TRMT11: variants seen among roughly 807,000 people sequenced by gnomAD.
TRMT11 encodes the protein tRNA (guanine(10)-N(2))-methyltransferase TRMT11.
TRMT11 carries 53 observed loss-of-function variants against 62.8 expected under a neutral mutation model. The ratio of observed to expected loss-of-function variants is 0.84; its 90% CI spans 0.68 to 1.06. TRMT11 has a LOEUF of 1.06. Among genes scored for constraint, TRMT11 ranks in the 50% least tolerant of loss-of-function variants. The pLI is 0.00. For synonymous variants in TRMT11, 188 were observed against 190.3 expected, an observed-to-expected ratio of 0.99 and a Z score of 0.10; for missense variants, 556 against 553.4, an observed-to-expected ratio of 1.00 and a Z score of -0.05.
rs369467561 is a variant in TRMT11, at chr6:126,137,072, T to A, written c.*1823+21217T>A. 3.3e-5 allele frequency among the ~76,000 whole-genome samples: 5 copies of A among 151,838 alleles called. No individual in the cohort carries two copies. The South Asian group carries it at 8.3e-4, about 25-fold the overall frequency. ...TTGGGGACATACAGGACATTGGACTTAGCAAAGATTTTTTTGGATAAGACT... is the reference window on the plus strand; with the variant it reads ...TTGGGGACATACAGGACATTGGACTAAGCAAAGATTTTTTTGGATAAGACT... On this transcript the variant is annotated intron_variant and NMD_transcript_variant, in intron 21 of 22. Transcript: ENST00000648977.
chr6:126,242,234 G>A, the TRMT11 span, among the ~76,000 whole-genome samples: 17 of 152,302 alleles, frequency 1.1e-4, no homozygotes, highest in African/African-American at 2.6e-4. Flanking sequence ...CAAGGGAAGT[G>A]AAGGACCTCT....
chr6:126,081,354 T>C (rs1490395330), intron 17 of TRMT11, among the ~76,000 whole-genome samples: 1 of 152,222 alleles, frequency 6.6e-6, no homozygotes, highest in African/African-American at 2.4e-5. Context: ...GCTATGTCAA[T>C]TCTTTCTTCT....
intron 21 of TRMT11, among the ~76,000 whole-genome samples, chr6:126,132,027 T>C (rs1777790681): frequency 1.3e-5 from 2 of 152,164 alleles, no homozygotes; most frequent in Non-Finnish European, 1.5e-5. Context: ...TGCCAATGCA[T>C]ACCCATTCTA....
the TRMT11 span, among the ~76,000 whole-genome samples, chr6:126,211,232 G>A: frequency 6.6e-6 from 1 of 152,116 alleles, no homozygotes; most frequent in African/African-American, 2.4e-5. Flanking sequence ...AGTCAGTCTT[G>A]TATTGTGTTA....
intron 17 of TRMT11, among the ~76,000 whole-genome samples, chr6:126,081,564 T>G (rs551516342): frequency 2.0e-5 from 3 of 152,298 alleles, no homozygotes; most frequent in Non-Finnish European, 4.4e-5. Flanking sequence ...TTCTGGGGAC[T>G]CAGTGGTCTG....
At chr6:126,139,801 A>C (rs986067921) in intron 21 of TRMT11, among the ~76,000 whole-genome samples, 6 of 152,074 alleles carry the variant, frequency 3.9e-5, no homozygotes, top group Non-Finnish European at 7.4e-5. Flanking sequence ...TAAACTTTCT[A>C]ATGTGAACTC....
chr6:126,009,540 T>G (rs1375801711), intron 8 of TRMT11: 1 of 152,036 alleles, frequency 6.6e-6, no homozygotes, highest in Non-Finnish European at 1.5e-5. Context: ...TTCCTTTTCC[T>G]CACCCAGTAT....
At chr6:125,994,989 G>A (rs188026601) in intron 2 of TRMT11, among the ~76,000 whole-genome samples, 3 of 152,290 alleles carry the variant, frequency 2.0e-5, no homozygotes, top group Admixed American at 6.5e-5. Flanking sequence ...GGGTGGTGGA[G>A]TCTGGTGAAG....
chr6:126,101,724 C>T (rs191196006), intron 17 of TRMT11, among the ~76,000 whole-genome samples: 12 of 152,334 alleles, frequency 7.9e-5, no homozygotes, highest in Admixed American at 2.0e-4. Context: ...AGGAAGCTGC[C>T]GCATTTCCAG....
chr6:125,993,911 A>C, intron 2 of TRMT11, 89 bp downstream of exon 2: 2 of 716,810 alleles, frequency 2.8e-6, no homozygotes, highest in Non-Finnish European at 4.6e-6. Context: ...TTAAATTTAT[A>C]TTTGTATGGT....
At chr6:125,986,766 C>T (rs2128719049) in intron 1 of TRMT11, 144 bp downstream of exon 1, 5 of 740,318 alleles carry the variant, frequency 6.8e-6, no homozygotes, top group Non-Finnish European at 1.1e-5. Flanking sequence ...CCCCAGTCCT[C>T]GGGCGGGGTG....
At chr6:126,272,128 C>G in the TRMT11 span, among the ~76,000 whole-genome samples, 2 of 152,100 alleles carry the variant, frequency 1.3e-5, no homozygotes, top group Non-Finnish European at 2.9e-5. Flanking sequence ...ATCCTTTAGT[C>G]AGTCTCATAA....
intron 17 of TRMT11, among the ~76,000 whole-genome samples, chr6:126,085,575 A>G (rs574621243): frequency 2.6e-5 from 4 of 152,272 alleles, no homozygotes; most frequent in Non-Finnish European, 2.9e-5. Context: ...CCATGTACTC[A>G]TGAAGACCTG....
intron 7 of TRMT11, chr6:126,006,941 A>G (rs573347745): frequency 7.9e-5 from 12 of 152,086 alleles, no homozygotes; most frequent in African/African-American, 2.4e-4. Flanking sequence ...CCCCTTGACA[A>G]CTAGTTCTTC....
rs796922288 is a variant in TRMT11 at position 126,064,565 on chromosome 6, T to TA, written c.*1437+11385dup. Among the ~76,000 whole-genome samples, 21 of 146,662 alleles carry TA rather than the reference T, an allele frequency of 1.4e-4. No individual in the cohort carries two copies. The East Asian group carries it at 2.2e-3, about 15-fold the overall frequency. Reference sequence around the variant, plus strand: ...GGAAAAAATTAATTTGCCTCCAAGATAAAAAAAAAAGTCACCACGAAAGAT... The same window carrying TA: ...GGAAAAAATTAATTTGCCTCCAAGATAAAAAAAAAAAGTCACCACGAAAGAT... On this transcript the variant is annotated intron_variant and NMD_transcript_variant, in intron 17 of 22. Transcript: ENST00000648977.
chr6:126,235,006 A>G, the TRMT11 span, among the ~76,000 whole-genome samples: 1 of 152,204 alleles, frequency 6.6e-6, no homozygotes, highest in South Asian at 2.1e-4. Context: ...GAAATTTACA[A>G]GGAATAATGA....
downstream of TRMT11, among the ~76,000 whole-genome samples, chr6:126,041,663 A>G (rs1775883517): frequency 6.6e-6 from 1 of 152,198 alleles, no homozygotes; most frequent in South Asian, 2.1e-4. Flanking sequence ...TCATGTTAAT[A>G]GTTCTAACAG....
chr6:126,146,304 G>C (rs1022388445), intron 21 of TRMT11, among the ~76,000 whole-genome samples: 2 of 152,072 alleles, frequency 1.3e-5, no homozygotes, highest in Admixed American at 6.5e-5. Context: ...CTCTAATATG[G>C]ACACTGAGTA....
chr6:126,175,579 C>A (rs1302247743), upstream of TRMT11, among the ~76,000 whole-genome samples: 1 of 152,166 alleles, frequency 6.6e-6, no homozygotes, highest in African/African-American at 2.4e-5. Flanking sequence ...CTAAAGGCAA[C>A]AAAAGTCTAT....
Sources: allele counts gnomAD v4.1 joint callset (sites outside exome capture counted in the v4.1 genomes callset), GRCh38; gene constraint gnomAD v4.1.1; transcripts MANE v1.5; gene names NCBI Gene and HGNC (gene_info 2026-07-23, HGNC 2026-07-21).